The following TENM3 variants were observed in gnomAD, a reference collection of about 807,000 sequenced individuals.
TENM3 encodes teneurin-3.
TENM3 carries 63 observed loss-of-function variants against 255.1 expected under a neutral mutation model. That is an observed-to-expected ratio of 0.25 (90% CI 0.20 to 0.30). The LOEUF (loss-of-function observed/expected upper bound fraction) is 0.30. Ranked by LOEUF, TENM3 falls within the 10% of genes least tolerant of loss-of-function variation. The pLI is 1.00. For missense variants in TENM3, 2,929 were observed against 3,461.1 expected (o/e 0.85, Z 3.86); for synonymous variants, 1,306 against 1,322.3 (o/e 0.99, Z 0.27).
chr4:182,772,464 G>A (rs1764322416), intron 22 of TENM3: 1 of 152,044 alleles, frequency 6.6e-6, no homozygotes, highest in Non-Finnish European at 1.5e-5. Flanking sequence ...CCTTCGATTA[G>A]TGAAGCAGTC....
At chr4:181,597,162 C>T in the TENM3 span, among the ~76,000 whole-genome samples, 4 of 152,320 alleles carry the variant, frequency 2.6e-5, no homozygotes, top group South Asian at 2.1e-4. Flanking sequence ...CCATGCCTAA[C>T]ATTAAATCCT....
chr4:182,170,612 A>G (rs1752041508), intron 1 of TENM3, among the ~76,000 whole-genome samples: 1 of 80,822 alleles, frequency 1.2e-5, no homozygotes, highest in Admixed American at 1.3e-4. Context: ...AATTAGTTGT[A>G]AGTCAGGTTT....
the TENM3 span, among the ~76,000 whole-genome samples, chr4:181,997,800 C>T: frequency 2.0e-5 from 3 of 152,116 alleles, no homozygotes; most frequent in Non-Finnish European, 4.4e-5. Flanking sequence ...AGATTTAAGA[C>T]TAACTAATAA....
chr4:182,247,922 C>T (rs1311751565), intron 1 of TENM3, among the ~76,000 whole-genome samples: 7 of 152,166 alleles, frequency 4.6e-5, no homozygotes, highest in Non-Finnish European at 8.8e-5. Flanking sequence ...CACGCAAACT[C>T]TTCTGTGTTT....
chr4:182,165,484 G>A (rs796373386), intron 1 of TENM3, among the ~76,000 whole-genome samples: 6 of 152,212 alleles, frequency 3.9e-5, no homozygotes, highest in African/African-American at 4.8e-5. Flanking sequence ...TACACGTTCC[G>A]TCGTGTTCCT....
At chr4:182,120,005 C>G in the TENM3 span, among the ~76,000 whole-genome samples, 2 of 152,148 alleles carry the variant, frequency 1.3e-5, no homozygotes, top group African/African-American at 4.8e-5. Flanking sequence ...CCTGTCCTCC[C>G]CATAGTTTTT....
chr4:181,790,024 G>T, the TENM3 span, among the ~76,000 whole-genome samples: 1 of 152,210 alleles, frequency 6.6e-6, no homozygotes, highest in African/African-American at 2.4e-5. Context: ...GCAATTTACA[G>T]TGGGTGGGTC....
the TENM3 span, among the ~76,000 whole-genome samples, chr4:181,828,998 A>T: frequency 3.9e-5 from 6 of 152,272 alleles, no homozygotes; most frequent in African/African-American, 1.4e-4. Flanking sequence ...AGGTGCCGTC[A>T]CCACCCCAGC....
intron 3 of TENM3, among the ~76,000 whole-genome samples, chr4:182,424,507 G>A (rs755550662): frequency 8.7e-5 from 13 of 150,148 alleles, no homozygotes; most frequent in Non-Finnish European, 8.9e-5. Flanking sequence ...TCTAGGTTGG[G>A]CCTATTTTTT....
chr4:181,597,805 G>C, the TENM3 span, among the ~76,000 whole-genome samples: 2 of 152,108 alleles, frequency 1.3e-5, no homozygotes, highest in Non-Finnish European at 2.9e-5. Flanking sequence ...TTCAGCTCCA[G>C]AGTTGCCATA....
At chr4:181,978,677 A>G in the TENM3 span, among the ~76,000 whole-genome samples, 1 of 151,620 alleles carries the variant, frequency 6.6e-6, no homozygotes, top group Non-Finnish European at 1.5e-5. Flanking sequence ...AAAGAAAAAA[A>G]AAAACCAGAG....
At chr4:181,780,250 C>G in the TENM3 span, among the ~76,000 whole-genome samples, 2 of 152,164 alleles carry the variant, frequency 1.3e-5, no homozygotes, top group Non-Finnish European at 2.9e-5. Context: ...TACAGTCCCA[C>G]CAACAGTGTA....
At chr4:182,586,827 A>G (rs981535613) in intron 3 of TENM3, among the ~76,000 whole-genome samples, 1 of 152,230 alleles carries the variant, frequency 6.6e-6, no homozygotes, top group African/African-American at 2.4e-5. Flanking sequence ...TCAATAAACT[A>G]CAGGTAAGAA....
chr4:182,432,609 G>A (rs184277161), intron 3 of TENM3, among the ~76,000 whole-genome samples: 1 of 152,312 alleles, frequency 6.6e-6, no homozygotes, highest in East Asian at 1.9e-4. Flanking sequence ...GGACAGAAGA[G>A]GAGACATCTA....
the TENM3 span, among the ~76,000 whole-genome samples, chr4:182,132,435 AT>A: frequency 6.6e-6 from 1 of 152,088 alleles, no homozygotes; most frequent in African/African-American, 2.4e-5. Flanking sequence ...GTGAGCTGAG[AT>A]CACACCACTG....
At chr4:182,212,308 T>G (rs1755101325) in intron 1 of TENM3, among the ~76,000 whole-genome samples, 2 of 152,188 alleles carry the variant, frequency 1.3e-5, no homozygotes, top group Admixed American at 1.3e-4. Flanking sequence ...TTTCCAGAGA[T>G]AGAAATCAGA....
rs535049512 is a variant in TENM3 at position 182,547,617 on chromosome 4, G to A, written c.512-53307G>A. 4.6e-5 allele frequency among the ~76,000 whole-genome samples: 7 copies of A among 152,170 alleles called. 1 individual carries two copies. The highest frequency in any genetic ancestry group is 3.4e-3 in the Middle Eastern group (1 of 294). On this transcript the variant is annotated intron_variant, in intron 3 of 27. Coordinates refer to ENST00000511685, the MANE Select transcript of TENM3 (RefSeq NM_001080477.4). ...CTAGTTTCATCCAGGCCATTTTGTGGCCAAACGCTAAGCACACTACCAGTT... is the reference window on the plus strand; with the variant it reads ...CTAGTTTCATCCAGGCCATTTTGTGACCAAACGCTAAGCACACTACCAGTT...
the TENM3 span, among the ~76,000 whole-genome samples, chr4:181,856,900 A>C: frequency 6.6e-6 from 1 of 152,198 alleles, no homozygotes; most frequent in Non-Finnish European, 1.5e-5. Context: ...CGACAGGCAG[A>C]CTTGGGTTTC....
At chr4:181,902,243 T>C in the TENM3 span, among the ~76,000 whole-genome samples, 1 of 152,026 alleles carries the variant, frequency 6.6e-6, no homozygotes, top group Admixed American at 6.6e-5. Context: ...TCCTTGTATA[T>C]TCTGGATATT....
Sources: allele counts gnomAD v4.1 joint callset (sites outside exome capture counted in the v4.1 genomes callset), GRCh38; gene constraint gnomAD v4.1.1; transcripts MANE v1.5; gene names NCBI Gene and HGNC (gene_info 2026-07-23, HGNC 2026-07-21).